The following ADGRB3 variants were observed in gnomAD, a reference collection of about 807,000 sequenced individuals.
ADGRB3 encodes the protein adhesion G protein-coupled receptor B3, also known as brain-specific angiogenesis inhibitor 3.
A neutral mutation model predicts 193.4 loss-of-function variants in ADGRB3; 37 were observed. That is an observed-to-expected ratio of 0.19 (90% CI 0.15 to 0.25). The LOEUF is 0.25. Among genes scored for constraint, ADGRB3 ranks in the 10% least tolerant of loss-of-function variants. ADGRB3 has a pLI of 1.00. For missense variants in ADGRB3, 1,637 were observed against 1,852.9 expected (o/e 0.88, Z 2.14); for synonymous variants, 690 against 644.2 (o/e 1.07, Z -1.08).
At chr6:69,159,731 A>G (rs7765882) in intron 17 of ADGRB3, among the ~76,000 whole-genome samples, 21,445 of 152,148 alleles carry the variant, frequency 0.14, 1,565 homozygotes, top group Middle Eastern at 0.16. Flanking sequence ...TTGTGTATAA[A>G]CTGATGACTC....
chr6:69,256,108 T>C (rs1299777452), intron 20 of ADGRB3, among the ~76,000 whole-genome samples: 3 of 151,678 alleles, frequency 2.0e-5, no homozygotes, highest in African/African-American at 7.3e-5. Flanking sequence ...TACTGTAGCC[T>C]TGTAGTATAG....
chr6:69,186,286 G>T (rs1765065658), intron 17 of ADGRB3, among the ~76,000 whole-genome samples: 1 of 151,622 alleles, frequency 6.6e-6, no homozygotes, highest in Non-Finnish European at 1.5e-5. Flanking sequence ...AAAAGGCATG[G>T]TGCTCCTTAT....
intron 3 of ADGRB3, among the ~76,000 whole-genome samples, chr6:68,826,208 T>C (rs918027719): frequency 5.3e-5 from 8 of 152,160 alleles, no homozygotes; most frequent in African/African-American, 1.7e-4. Context: ...ATGCATTTAG[T>C]ATACCAAATG....
At chr6:68,779,866 G>A (rs920467235) in intron 3 of ADGRB3, among the ~76,000 whole-genome samples, 2 of 152,076 alleles carry the variant, frequency 1.3e-5, no homozygotes, top group Non-Finnish European at 2.9e-5. Context: ...AGCTATTCCT[G>A]TGTGATGGGA....
At chr6:68,866,262 TAGTG>T (rs1279126369) in intron 3 of ADGRB3, among the ~76,000 whole-genome samples, 3 of 152,108 alleles carry the variant, frequency 2.0e-5, no homozygotes, top group Admixed American at 6.5e-5. Context: ...GTTCTCATGA[TAGTG>T]AGTGAGTTCT....
At chr6:69,061,377 A>G (rs1008446100) in intron 15 of ADGRB3, among the ~76,000 whole-genome samples, 1 of 152,002 alleles carries the variant, frequency 6.6e-6, no homozygotes, top group Admixed American at 6.6e-5. Flanking sequence ...CATTAGAGAA[A>G]AACAAATCTC....
chr6:69,030,570 A>G (rs1243281808), intron 13 of ADGRB3, among the ~76,000 whole-genome samples: 2 of 152,154 alleles, frequency 1.3e-5, no homozygotes, highest in Admixed American at 1.3e-4. Flanking sequence ...AACAATGAGA[A>G]CACATGGACA....
intron 10 of ADGRB3, among the ~76,000 whole-genome samples, chr6:68,976,886 G>A (rs1424416117): frequency 1.3e-5 from 2 of 151,514 alleles, no homozygotes; most frequent in East Asian, 3.9e-4. Context: ...AGTAATTGAT[G>A]ATTATTTGGC....
At chr6:68,777,141 C>T (rs1048801648) in intron 3 of ADGRB3, among the ~76,000 whole-genome samples, 1 of 152,098 alleles carries the variant, frequency 6.6e-6, no homozygotes, top group South Asian at 2.1e-4. Flanking sequence ...CATCTTGATG[C>T]CTTCCCCTGT....
At chr6:69,039,962 G>C (rs992316807) in intron 13 of ADGRB3, among the ~76,000 whole-genome samples, 4 of 151,888 alleles carry the variant, frequency 2.6e-5, no homozygotes, top group Non-Finnish European at 5.9e-5. Context: ...GGATGGTCTC[G>C]ATCTCCTGAC....
chr6:68,795,959 G>C (rs934114234), intron 3 of ADGRB3, among the ~76,000 whole-genome samples: 2 of 151,944 alleles, frequency 1.3e-5, no homozygotes, highest in African/African-American at 2.4e-5. Context: ...TCTTAGACTC[G>C]TAAAATTTCA....
At chr6:68,789,965 T>G (rs1000115456) in intron 3 of ADGRB3, among the ~76,000 whole-genome samples, 3 of 152,248 alleles carry the variant, frequency 2.0e-5, no homozygotes, top group African/African-American at 7.2e-5. Flanking sequence ...GGCTTCTGCA[T>G]TTGTCACGTA....
At chr6:69,047,683 G>A in intron 13 of ADGRB3, among the ~76,000 whole-genome samples, 1 of 151,892 alleles carries the variant, frequency 6.6e-6, no homozygotes, top group South Asian at 2.1e-4. Context: ...AAAGTAATAT[G>A]GCTTTGTTCT....
intron 10 of ADGRB3, among the ~76,000 whole-genome samples, chr6:68,976,962 A>G (rs1768767949): frequency 6.7e-6 from 1 of 150,044 alleles, no homozygotes; most frequent in Admixed American, 6.7e-5. Context: ...ATTTTTTTAT[A>G]TTTATCACAT....
At chr6:68,803,912 C>T (rs778797798) in intron 3 of ADGRB3, among the ~76,000 whole-genome samples, 5 of 152,154 alleles carry the variant, frequency 3.3e-5, no homozygotes, top group Non-Finnish European at 5.9e-5. Context: ...TTCTCATTAT[C>T]TTCACTTTTA....
At chr6:68,981,517 T>A (rs926150000) in intron 10 of ADGRB3, among the ~76,000 whole-genome samples, 2 of 151,710 alleles carry the variant, frequency 1.3e-5, no homozygotes, top group Non-Finnish European at 3.0e-5. Context: ...TCAATTGTAT[T>A]GACTTTATGT....
chr6:68,714,967 T>C (rs755976116), intron 3 of ADGRB3, among the ~76,000 whole-genome samples: 5 of 151,758 alleles, frequency 3.3e-5, no homozygotes, highest in Non-Finnish European at 5.9e-5. Context: ...ATCAAATGAG[T>C]TAGTGCACAT....
intron 15 of ADGRB3, among the ~76,000 whole-genome samples, chr6:69,052,765 T>G (rs189362497): frequency 6.6e-6 from 1 of 152,222 alleles, no homozygotes; most frequent in African/African-American, 2.4e-5. Context: ...TGTCTTCCCT[T>G]TTAAAGTTAA....
chr6:69,355,788 G>T (rs2127328624), intron 27 of ADGRB3, 33 bp from the exon 28 acceptor site: 2 of 1,563,700 alleles, frequency 1.3e-6, no homozygotes, highest in East Asian at 2.2e-5. Context: ...TTCATTAAAT[G>T]ATGGTTCTAT....
Sources: allele counts gnomAD v4.1 joint callset (sites outside exome capture counted in the v4.1 genomes callset), GRCh38; gene constraint gnomAD v4.1.1; transcripts MANE v1.5; gene names NCBI Gene and HGNC (gene_info 2026-07-23, HGNC 2026-07-21).